Variants in ANTXR1 observed in about 807,000 individuals in gnomAD.
ANTXR1 encodes the protein ANTXR cell adhesion molecule 1.
ANTXR1 carries 19 observed loss-of-function variants against 78.1 expected under a neutral mutation model. The observed-to-expected ratio is 0.24, with a 90% CI of 0.17 to 0.36. The LOEUF (loss-of-function observed/expected upper bound fraction) is 0.36, where lower values mean the gene tolerates loss of function less well. Among genes scored for constraint, ANTXR1 ranks in the 10% least tolerant of loss-of-function variants. The pLI, the probability that ANTXR1 is intolerant of heterozygous loss-of-function variation, is 1.00. For missense variants in ANTXR1, 518 were observed against 718.6 expected (o/e 0.72, Z 3.19); for synonymous variants, 273 against 260.5 (o/e 1.05, Z -0.46).
intron 8 of ANTXR1, 186 bp from the exon 9 acceptor site, chr2:69,090,673 G>A (rs1013798257): frequency 1.6e-6 from 1 of 640,246 alleles, no homozygotes; most frequent in African/African-American, 1.8e-5. Context: ...ACAGCATCTA[G>A]CACAATCTGG....
intron 12 of ANTXR1, among the ~76,000 whole-genome samples, chr2:69,127,163 G>T (rs1672567122): frequency 6.6e-6 from 1 of 152,204 alleles, no homozygotes; most frequent in African/African-American, 2.4e-5. Context: ...AAAGGTAATA[G>T]ATGCTATAGG....
chr2:69,025,603 A>G (rs1195273384), intron 1 of ANTXR1, among the ~76,000 whole-genome samples: 2 of 151,842 alleles, frequency 1.3e-5, no homozygotes, highest in African/African-American at 4.9e-5. Flanking sequence ...TGCAGAAATT[A>G]TATAGTAAAT....
intron 13 of ANTXR1, among the ~76,000 whole-genome samples, chr2:69,153,666 G>A (rs1167268814): frequency 2.0e-5 from 3 of 152,190 alleles, no homozygotes; most frequent in East Asian, 1.9e-4. Context: ...GCTTTCTATG[G>A]AGATTCAAAA....
intron 12 of ANTXR1, chr2:69,134,913 A>T: frequency 3.7e-6 from 1 of 268,830 alleles, no homozygotes; most frequent in Non-Finnish European, 8.0e-6. Context: ...GTCTCCATAG[A>T]GCCATACATA....
chr2:69,187,840 C>G (rs148675526), intron 16 of ANTXR1, among the ~76,000 whole-genome samples: 1 of 151,374 alleles, frequency 6.6e-6, no homozygotes. Context: ...CTGACCGCCT[C>G]GGCCGCCCAT....
At chr2:69,040,249 C>A in intron 2 of ANTXR1, 134 bp downstream of exon 2, 1 of 762,008 alleles carries the variant, frequency 1.3e-6, no homozygotes, top group Non-Finnish European at 2.3e-6. Context: ...GATCTCGGAC[C>A]AGAGACTGTT....
At chr2:69,106,538 A>G (rs1323245418) in intron 10 of ANTXR1, among the ~76,000 whole-genome samples, 2 of 152,204 alleles carry the variant, frequency 1.3e-5, no homozygotes, top group African/African-American at 4.8e-5. Context: ...ACAAAAACAG[A>G]GCCCCCTGCA....
intron 12 of ANTXR1, chr2:69,146,435 A>G: frequency 3.2e-6 from 3 of 944,526 alleles, no homozygotes; most frequent in Non-Finnish European, 3.8e-6. Flanking sequence ...TGAGAAAATA[A>G]CATTGGTAAG....
At chr2:69,039,483 G>A (rs1669549107) in intron 1 of ANTXR1, among the ~76,000 whole-genome samples, 1 of 151,792 alleles carries the variant, frequency 6.6e-6, no homozygotes, top group African/African-American at 2.4e-5. Context: ...TTCCTTAAGT[G>A]TTCAACTATC....
At position 69,123,010 on chromosome 2, in the gene ANTXR1, T is replaced by A. The variant is rs116042175; in HGVS notation, c.803-7T>A. ...CTCTTCTTAATCCAGTGATTTCCTT[T>A]TTGCAGATGAGAAGCCCTTTTCTGT... On this transcript the variant is annotated splice_polypyrimidine_tract_variant and splice_region_variant and intron_variant, in intron 10 of 17. Coordinates refer to ENST00000303714, the MANE Select transcript of ANTXR1 (RefSeq NM_032208.3). The A allele has an allele frequency of 2.6e-4, 426 of 1,614,114 alleles. 1 individual carries two copies. The African/African-American group carries it at 5.0e-3, about 19-fold the overall frequency.
chr2:69,081,036 T>C (rs999281715), intron 8 of ANTXR1, among the ~76,000 whole-genome samples: 3 of 152,206 alleles, frequency 2.0e-5, no homozygotes, highest in Admixed American at 6.5e-5. Flanking sequence ...TCAGAATCAA[T>C]AGCATTTCGG....
At chr2:69,049,079 C>G (rs1669856542) in intron 3 of ANTXR1, among the ~76,000 whole-genome samples, 1 of 152,040 alleles carries the variant, frequency 6.6e-6, no homozygotes, top group South Asian at 2.1e-4. Flanking sequence ...TTGTATTCTC[C>G]AAACTGTCAT....
intron 16 of ANTXR1, among the ~76,000 whole-genome samples, chr2:69,190,092 G>A (rs1215084348): frequency 6.6e-6 from 1 of 151,950 alleles, no homozygotes; most frequent in African/African-American, 2.4e-5. Context: ...TCAGGTGTAG[G>A]CAGAGGGGGA....
At chr2:69,151,591 G>A (rs996206647) in intron 12 of ANTXR1, among the ~76,000 whole-genome samples, 2 of 152,138 alleles carry the variant, frequency 1.3e-5, no homozygotes, top group Admixed American at 1.3e-4. Context: ...GTAGCCACTT[G>A]ATCTGACTGT....
At chr2:69,043,467 G>A (rs1669670185) in intron 2 of ANTXR1, among the ~76,000 whole-genome samples, 1 of 152,132 alleles carries the variant, frequency 6.6e-6, no homozygotes, top group African/African-American at 2.4e-5. Flanking sequence ...AGGACATGGT[G>A]TCCTGCTGCC....
intron 12 of ANTXR1, among the ~76,000 whole-genome samples, chr2:69,147,165 A>G (rs777923636): frequency 6.6e-6 from 1 of 152,188 alleles, no homozygotes; most frequent in Non-Finnish European, 1.5e-5. Context: ...TGCATTCTAC[A>G]TGCCTCCCAG....
At chr2:69,164,861 A>C (rs575757889) in intron 13 of ANTXR1, among the ~76,000 whole-genome samples, 1 of 152,340 alleles carries the variant, frequency 6.6e-6, no homozygotes, top group African/African-American at 2.4e-5. Context: ...GGGACACCAA[A>C]ATTTTTAGAA....
At chr2:69,105,293 G>A (rs1337117955) in intron 10 of ANTXR1, among the ~76,000 whole-genome samples, 1 of 152,140 alleles carries the variant, frequency 6.6e-6, no homozygotes, top group Non-Finnish European at 1.5e-5. Flanking sequence ...AAGAAATGGA[G>A]GTTGTTGGGG....
intron 17 of ANTXR1, among the ~76,000 whole-genome samples, chr2:69,218,992 C>A (rs922851759): frequency 6.6e-6 from 1 of 152,140 alleles, no homozygotes; most frequent in East Asian, 1.9e-4. Flanking sequence ...TCGGGAAACC[C>A]ACTCTAAATT....
Sources: allele counts gnomAD v4.1 joint callset (sites outside exome capture counted in the v4.1 genomes callset), GRCh38; gene constraint gnomAD v4.1.1; transcripts MANE v1.5; gene names NCBI Gene and HGNC (gene_info 2026-07-23, HGNC 2026-07-21).